The following ETS1 variants were observed in gnomAD, a reference collection of about 807,000 sequenced individuals.
ETS1 encodes ETS proto-oncogene 1, transcription factor.
ETS1 carries 15 observed loss-of-function variants against 58.6 expected under a neutral mutation model. The ratio of observed to expected loss-of-function variants is 0.26; its 90% CI spans 0.17 to 0.39. The LOEUF is 0.39. Among genes scored for constraint, ETS1 ranks in the 10% least tolerant of loss-of-function variants. The pLI is 1.00. For missense variants in ETS1, 417 were observed against 610.5 expected (o/e 0.68, Z 3.34); for synonymous variants, 214 against 218.2 (o/e 0.98, Z 0.17).
intron 8 of ETS1, among the ~76,000 whole-genome samples, chr11:128,477,888 A>C (rs979209249): frequency 1.3e-5 from 2 of 152,170 alleles, no homozygotes; most frequent in Non-Finnish European, 2.9e-5. Context: ...TAATTAGTTG[A>C]TTTAATTCAA....
chr11:128,470,773 A>G (rs1036438689), intron 8 of ETS1, among the ~76,000 whole-genome samples: 1 of 152,200 alleles, frequency 6.6e-6, no homozygotes, highest in African/African-American at 2.4e-5. Context: ...AACTTTGAAA[A>G]AGTAGAAAGT....
chr11:128,479,124 C>T (rs762291196), intron 8 of ETS1, among the ~76,000 whole-genome samples: 1 of 152,230 alleles, frequency 6.6e-6, no homozygotes, highest in Non-Finnish European at 1.5e-5. Flanking sequence ...TCAAAGGTCA[C>T]TGGTTTTCTT....
At chr11:128,576,685 C>T (rs1361506459) in intron 1 of ETS1, among the ~76,000 whole-genome samples, 1 of 152,006 alleles carries the variant, frequency 6.6e-6, no homozygotes, top group Non-Finnish European at 1.5e-5. Context: ...TGTGCCCCCC[C>T]ATGCTCCCTC....
chr11:128,470,819 T>C (rs1008831212), intron 8 of ETS1, among the ~76,000 whole-genome samples: 1 of 152,130 alleles, frequency 6.6e-6, no homozygotes, highest in African/African-American at 2.4e-5. Flanking sequence ...AGTATACGAA[T>C]GTAAAAATTT....
At chr11:128,531,273 C>T (rs955543007) in intron 3 of ETS1, among the ~76,000 whole-genome samples, 6 of 152,172 alleles carry the variant, frequency 3.9e-5, no homozygotes, top group South Asian at 2.1e-4. Flanking sequence ...AATGGAGATG[C>T]GGAAAGTGCC....
chr11:128,491,268 A>C (rs1862791557), intron 3 of ETS1, among the ~76,000 whole-genome samples: 1 of 152,242 alleles, frequency 6.6e-6, no homozygotes, highest in African/African-American at 2.4e-5. Flanking sequence ...GGAATTAAAG[A>C]AACAACAGTG....
At chr11:128,479,384 A>G (rs1862419782) in intron 8 of ETS1, among the ~76,000 whole-genome samples, 1 of 152,242 alleles carries the variant, frequency 6.6e-6, no homozygotes, top group African/African-American at 2.4e-5. Context: ...AGAAAACACT[A>G]CAATCTTACA....
At chr11:128,517,064 A>G (rs994365274) in intron 3 of ETS1, among the ~76,000 whole-genome samples, 4 of 152,196 alleles carry the variant, frequency 2.6e-5, no homozygotes, top group African/African-American at 9.7e-5. Flanking sequence ...TTCTGAGGTA[A>G]GCATTGCTGG....
At chr11:128,487,064 T>G (rs1390050663) in intron 5 of ETS1, among the ~76,000 whole-genome samples, 1 of 152,202 alleles carries the variant, frequency 6.6e-6, no homozygotes, top group Non-Finnish European at 1.5e-5. Flanking sequence ...TGATTAAACT[T>G]TGCTTTAGCA....
chr11:128,504,578 C>T (rs577293858), intron 3 of ETS1, among the ~76,000 whole-genome samples: 15 of 152,166 alleles, frequency 9.9e-5, no homozygotes, highest in African/African-American at 1.4e-4. Context: ...AAGACGCTTT[C>T]GATGTCATCT....
At chr11:128,566,203 ATCT>A (rs1864491836) in intron 2 of ETS1, among the ~76,000 whole-genome samples, 2 of 152,154 alleles carry the variant, frequency 1.3e-5, no homozygotes, top group South Asian at 2.1e-4. Context: ...CAGTAGCCCC[ATCT>A]TCTTCTGGTA....
At chr11:128,488,661 G>A (rs1429518085) in intron 5 of ETS1, among the ~76,000 whole-genome samples, 1 of 152,200 alleles carries the variant, frequency 6.6e-6, no homozygotes, top group African/African-American at 2.4e-5. Flanking sequence ...ACTCAGCCAG[G>A]ACTGTGGTAC....
intron 3 of ETS1, among the ~76,000 whole-genome samples, chr11:128,503,770 T>C (rs1444812831): frequency 1.3e-5 from 2 of 152,126 alleles, no homozygotes; most frequent in African/African-American, 4.8e-5. Flanking sequence ...GGGAACCACA[T>C]GGTAGGAGTC....
intron 1 of ETS1, among the ~76,000 whole-genome samples, chr11:128,584,981 A>AGAAAGAAAGAAAG (rs1864950552): frequency 1.6e-5 from 1 of 62,062 alleles, no homozygotes; most frequent in Non-Finnish European, 3.0e-5. Flanking sequence ...AAAGAAAGAA[A>AGAAAGAAAGAAAG]GAAAGAAAGG....
At chr11:128,498,405 C>T (rs1862998708) in intron 3 of ETS1, among the ~76,000 whole-genome samples, 1 of 152,132 alleles carries the variant, frequency 6.6e-6, no homozygotes, top group Non-Finnish European at 1.5e-5. Flanking sequence ...TCCCCTGAAA[C>T]TGGCATTTTT....
chr11:128,469,006 A>C (rs537618161), intron 8 of ETS1, among the ~76,000 whole-genome samples: 1 of 152,226 alleles, frequency 6.6e-6, no homozygotes, highest in African/African-American at 2.4e-5. Context: ...TACTGAAACA[A>C]ACCTCCTCTG....
intron 8 of ETS1, among the ~76,000 whole-genome samples, chr11:128,478,455 G>GAGGAAGGA (rs1214297560): frequency 3.2e-4 from 33 of 102,314 alleles, no homozygotes; most frequent in African/African-American, 6.2e-4. Flanking sequence ...GAGAGGGAGG[G>GAGGAAGGA]AGGAAGGAAG....
chr11:128,551,367 C>T (rs541741859), intron 3 of ETS1, among the ~76,000 whole-genome samples: 94 of 152,324 alleles, frequency 6.2e-4, no homozygotes, highest in Non-Finnish European at 1.1e-3. Context: ...CTCTCCCAGC[C>T]GCTAGGCCAT....
At chr11:128,465,761 C>T (rs980976296) in intron 8 of ETS1, among the ~76,000 whole-genome samples, 9 of 151,620 alleles carry the variant, frequency 5.9e-5, no homozygotes, top group Non-Finnish European at 1.3e-4. Flanking sequence ...GCACCTACTA[C>T]GCCGCAGACA....
Sources: gnomAD v4.1 joint callset for allele counts (sites outside exome capture counted in the v4.1 genomes callset) on GRCh38, gnomAD v4.1.1 for gene constraint, MANE v1.5 for transcripts, NCBI Gene and HGNC (gene_info 2026-07-23, HGNC 2026-07-21) for gene names.